Variants in ELMO2 observed in about 807,000 individuals in gnomAD.
ELMO2 encodes engulfment and cell motility 2.
Under a neutral mutation model 96.2 loss-of-function variants are expected in ELMO2, and 37 were observed. The observed-to-expected ratio is 0.38, with a 90% CI of 0.30 to 0.51. ELMO2 has a LOEUF of 0.51. ELMO2 is among the 20% of genes least tolerant of loss of function. ELMO2 has a pLI of 0.88. For missense variants in ELMO2, 561 were observed against 912.6 expected, an observed-to-expected ratio of 0.61 and a Z score of 4.96; for synonymous variants, 315 against 329.4, an observed-to-expected ratio of 0.96 and a Z score of 0.47.
Position 46,367,312 on chromosome 20 carries a change from T to G in ELMO2, c.*48A>C. 7.1e-7 allele frequency: 1 copy of G among 1,417,202 alleles called. No homozygotes were observed. The highest frequency in any genetic ancestry group is 9.3e-7 in the Non-Finnish European group (1 of 1,076,952). 87.8% of individuals were successfully genotyped at this position (1,417,202 alleles called of 1,614,324 possible). On this transcript the variant is annotated 3_prime_UTR_variant, in exon 22 of 22. Coordinates refer to ENST00000290246, the MANE Select transcript of ELMO2 (RefSeq NM_133171.5). ...GGCACCAGAATGTAAGTGTTTCTCC[T>G]GGGCCCAAAATCCCTTCTCCTGGGT...
Position 46,383,474 on chromosome 20 carries a change from G to A in ELMO2, c.698C>T (p.Thr233Ile). The change falls in exon 10 of 22, where the codon ACC (threonine) becomes ATC (isoleucine). Residue 233 changes from threonine to isoleucine, a missense_variant. Physicochemically the swap from Thr to Ile is moderately conservative, Grantham distance 89 (BLOSUM62 -1). Transcript: ENST00000290246. ...TGCATTAATCAGTGCAATGGCGTAG[G>A]TCTGAATCTCCTGGTTGGAGCTGTG... Reference protein sequence around the residue: ...HLQVSNQEIQTYAIALINALF... With the variant: ...HLQVSNQEIQIYAIALINALF... 6.2e-7 allele frequency: 1 copy of A among 1,614,158 alleles called. No homozygotes were observed. The highest frequency in any genetic ancestry group is 8.5e-7 in the Non-Finnish European group (1 of 1,179,980).
chr20:46,369,102 G>T, intron 20 of ELMO2, 134 bp from the exon 21 acceptor site: 1 of 816,360 alleles, frequency 1.2e-6, no homozygotes. Context: ...AATGCTCCTA[G>T]GCGGCCACAA....
intron 6 of ELMO2, among the ~76,000 whole-genome samples, chr20:46,390,167 A>G (rs1007250480): frequency 2.0e-5 from 3 of 152,140 alleles, no homozygotes; most frequent in African/African-American, 7.2e-5. Context: ...AAAATAAAAT[A>G]AAATAAAATA....
chr20:46,394,261 AGGGTGGGCCAGGCCCAAAG>A, intron 3 of ELMO2, 125 bp downstream of exon 3: 1 of 1,127,034 alleles, frequency 8.9e-7, no homozygotes, highest in Non-Finnish European at 1.3e-6. Flanking sequence ...GACCTTCCCT[AGGGTGGGCCAGGCCCAAAG>A]CTTAGCCTTC....
intron 6 of ELMO2, among the ~76,000 whole-genome samples, chr20:46,391,887 TTTAAAAAGCACATC>T (rs1568779368): frequency 1.4e-5 from 2 of 147,776 alleles, no homozygotes; most frequent in Non-Finnish European, 3.0e-5. Flanking sequence ...TTTACCTGCT[TTTAAAAAGCACATC>T]TTTTTGACTC....
At chr20:46,401,714 C>T (rs2060339458) in intron 1 of ELMO2, among the ~76,000 whole-genome samples, 1 of 152,202 alleles carries the variant, frequency 6.6e-6, no homozygotes, top group Admixed American at 6.5e-5. Flanking sequence ...AAAAACCATG[C>T]TCTTCTGAGT....
chr20:46,375,172 G>A lies in ELMO2; in HGVS notation c.1065+64C>T. On this transcript the variant is annotated intron_variant, in intron 13 of 21. Coordinates refer to ENST00000290246, the MANE Select transcript of ELMO2 (RefSeq NM_133171.5). This position sits in a 1 kb window ranked among gnomAD's most constrained non-coding sequence, Gnocchi z 4.6. The stretch of plus-strand genomic sequence containing the variant: ...GGTTGGTTGTCAGAGCTCTGTCTGG[G>A]TGGGACCATTGACTTCCCATCAGGG... 6.3e-7 allele frequency: 1 copy of A among 1,575,408 alleles called. No individual in the cohort carries two copies. The highest frequency in any genetic ancestry group is 8.6e-7 in the Non-Finnish European group (1 of 1,162,038).
At chr20:46,393,835 G>A (rs938288311) in intron 4 of ELMO2, 2 of 730,494 alleles carry the variant, frequency 2.7e-6, no homozygotes, top group African/African-American at 3.6e-5. Flanking sequence ...TACCTCAATA[G>A]GGCAATGCTA....
intron 20 of ELMO2, chr20:46,370,231 A>G (rs2059674586): frequency 1.5e-6 from 1 of 677,220 alleles, no homozygotes; most frequent in Non-Finnish European, 2.7e-6. Flanking sequence ...AAAGGAGAGA[A>G]ACAAGTGGAT....
chr20:46,370,115 C>T, intron 20 of ELMO2: 2 of 425,646 alleles, frequency 4.7e-6, no homozygotes, highest in African/African-American at 2.1e-5. Context: ...CTTTCATTTC[C>T]TGTTATGTGT....
chr20:46,376,545 T>G (rs192858857), intron 11 of ELMO2, among the ~76,000 whole-genome samples: 414 of 152,316 alleles, frequency 2.7e-3, no homozygotes, highest in Non-Finnish European at 4.5e-3. Context: ...TCTCATGTTC[T>G]GTCTCTGTCT....
At chr20:46,387,186 C>T (rs1172094284) in intron 8 of ELMO2, 152 bp downstream of exon 8, 1 of 635,470 alleles carries the variant, frequency 1.6e-6, no homozygotes, top group South Asian at 2.1e-5. Flanking sequence ...CTTTCAGAAG[C>T]CACAGAAGAC....
At chr20:46,393,189 TAA>T (rs1204070524) in intron 5 of ELMO2, 46 bp from the exon 6 acceptor site, 1 of 1,572,906 alleles carries the variant, frequency 6.4e-7, no homozygotes. Context: ...GATAAAATGT[TAA>T]AGTGGTACAA....
intron 8 of ELMO2, 98 bp from the exon 9 acceptor site, chr20:46,386,373 C>T: frequency 1.3e-6 from 2 of 1,500,622 alleles, no homozygotes; most frequent in Admixed American, 1.9e-5. Context: ...CTCTGCTTCA[C>T]ATTTGGGCAG....
rs2261213 is a variant in ELMO2, at chr20:46,374,687, A to G, written c.1066-47T>C. 1 allele frequency: 1,570,667 copies of G among 1,571,340 alleles called. 784,999 individuals are homozygous for G. Among genetic ancestry groups the G allele is most frequent in the East Asian group, 1 (44,610 of 44,610 alleles). ...ATTTGAGATGCGGCAGTCTCCGTGT[A>G]TGCAGGGACCTGAGGGGATGCCCTC... On this transcript the variant is annotated intron_variant, in intron 13 of 21. Transcript: ENST00000290246.
At chr20:46,405,369 G>A (rs1188853941) in intron 1 of ELMO2, among the ~76,000 whole-genome samples, 2 of 152,130 alleles carry the variant, frequency 1.3e-5, no homozygotes, top group African/African-American at 4.8e-5. Context: ...GACCAGGGAG[G>A]AGGAATACTA....
chr20:46,373,072 G>A lies in ELMO2; in HGVS notation c.1416+327C>T, dbSNP rs186321834. 13 of 239,202 alleles carry A rather than the reference G, an allele frequency of 5.4e-5. 1 individual carries two copies. 14.8% of individuals were successfully genotyped at this position (239,202 alleles called of 1,614,324 possible). A position where few individuals can be genotyped will look rare whatever the true frequency, so the allele number is the denominator to read the frequency against. ...AACCTTCCCAGTTCACAAAACTACA[G>A]CAGTACCTGCACAGTAAGCACTCAA... On this transcript the variant is annotated intron_variant, in intron 16 of 21. Transcript: ENST00000290246.
intron 8 of ELMO2, 37 bp from the exon 9 acceptor site, chr20:46,386,312 G>C (rs1431311320): frequency 2.2e-5 from 36 of 1,608,860 alleles, no homozygotes; most frequent in Non-Finnish European, 3.0e-5. Context: ...GAGAAGCTCA[G>C]GGCCCAAGAA....
chr20:46,375,861 A>G lies in ELMO2; in HGVS notation c.808-71T>C, dbSNP rs2059850498. 3.1e-6 allele frequency: 5 copies of G among 1,588,818 alleles called. No homozygotes were observed. Among genetic ancestry groups the G allele is most frequent in the Non-Finnish European group, 4.3e-6 (5 of 1,162,690 alleles). On this transcript the variant is annotated intron_variant, in intron 11 of 21. Transcript: ENST00000290246. The surrounding 1 kb of genome is among the most constrained non-coding windows in gnomAD (Gnocchi z 4.6). ...TTAATGAAGGGCCACATCCATGCTA[A>G]GGAAAAGGAATGTATGTTGGGAAGG...
Sources: gnomAD v4.1 joint callset for allele counts (sites outside exome capture counted in the v4.1 genomes callset) on GRCh38, gnomAD v4.1.1 for gene constraint, Gnocchi (gnomAD v3.1) non-coding constraint, MANE v1.5 for transcripts, NCBI Gene and HGNC (gene_info 2026-07-23, HGNC 2026-07-21) for gene names.